Variants in NUP153 observed in about 807,000 individuals in gnomAD.
NUP153 encodes nucleoporin 153.
Under a neutral mutation model 134.6 loss-of-function variants are expected in NUP153, and 27 were observed. The observed-to-expected ratio is 0.20, with a 90% CI of 0.15 to 0.28. NUP153 has a LOEUF of 0.28. Among genes scored for constraint, NUP153 ranks in the 10% least tolerant of loss-of-function variants. The probability of loss-of-function intolerance (pLI) is 1.00; values close to 1 mark genes in which losing one functional copy is unlikely to be tolerated. For missense variants in NUP153, 1,821 were observed against 1,731.3 expected, an observed-to-expected ratio of 1.05 and a Z score of -0.92; for synonymous variants, 640 against 623.5, an observed-to-expected ratio of 1.03 and a Z score of -0.40.
At chr6:17,698,913 AACTCACTAAAAGTT>A (rs1303196044) in intron 1 of NUP153, among the ~76,000 whole-genome samples, 3 of 151,972 alleles carry the variant, frequency 2.0e-5, no homozygotes, top group Non-Finnish European at 2.9e-5. Context: ...ACAGTAGTTA[AACTCACTAAAAGTT>A]ACCTACAAGA....
intron 5 of NUP153, among the ~76,000 whole-genome samples, chr6:17,669,997 A>G (rs1767794338): frequency 6.8e-6 from 1 of 147,828 alleles, no homozygotes; most frequent in South Asian, 2.2e-4. Flanking sequence ...CGAGAGGCTG[A>G]GGCAGGAGAA....
At chr6:17,640,190 T>C in intron 14 of NUP153, 126 bp from the exon 15 acceptor site, 1 of 678,982 alleles carries the variant, frequency 1.5e-6, no homozygotes, top group Non-Finnish European at 2.2e-6. Context: ...AAAGTCACTT[T>C]AATTCAATAA....
rs768517130 is a variant in NUP153 at position 17,646,115 on chromosome 6, C to T, written c.1672G>A (p.Glu558Lys). The change falls in exon 14 of 22, where the codon GAA (glutamate) becomes AAA (lysine). Residue 558 changes from glutamate (E) to lysine (K), a missense_variant. Transcript: ENST00000262077. Reference protein sequence around the residue: ...TFSVPVAKTAELSGSSSTLEP... With the variant: ...TFSVPVAKTAKLSGSSSTLEP... ...AAAGTACTACTAGAACCAGAAAGTT[C>T]TGCTGTTTTTGCAACAGGCACACTA... is the stretch of plus-strand genomic sequence containing the variant. 3 of 1,603,566 alleles carry T rather than the reference C, an allele frequency of 1.9e-6. No homozygotes were observed. In the South Asian group the frequency reaches 3.3e-5, roughly 18 times the overall value.
intron 1 of NUP153, among the ~76,000 whole-genome samples, chr6:17,705,928 G>C (rs1245811602): frequency 6.6e-6 from 1 of 152,102 alleles, no homozygotes; most frequent in African/African-American, 2.4e-5. Flanking sequence ...TCCCTCGAGA[G>C]AACATGAGTA....
intron 1 of NUP153, among the ~76,000 whole-genome samples, chr6:17,702,233 C>T (rs1770158119): frequency 6.6e-6 from 1 of 152,102 alleles, no homozygotes; most frequent in Non-Finnish European, 1.5e-5. Flanking sequence ...TCTGGCCGGG[C>T]GAGGTAGCTC....
chr6:17,648,644 A>AT (rs556493901), intron 12 of NUP153, among the ~76,000 whole-genome samples: 19 of 151,984 alleles, frequency 1.3e-4, no homozygotes, highest in Non-Finnish European at 8.8e-5. Context: ...TTAAAAAAAA[A>AT]TTTTTTTAAT....
chr6:17,688,743 T>A, intron 1 of NUP153, 125 bp from the exon 2 acceptor site: 1 of 647,656 alleles, frequency 1.5e-6, no homozygotes, highest in Non-Finnish European at 2.7e-6. Context: ...AAAATTCAGT[T>A]ACTACAGTTA....
intron 20 of NUP153, among the ~76,000 whole-genome samples, chr6:17,617,855 GAAAAAA>G (rs879470455): frequency 3.4e-5 from 5 of 148,366 alleles, no homozygotes; most frequent in Admixed American, 1.3e-4. Context: ...AGAAGGAAAA[GAAAAAA>G]AAAGAAAAAA....
intron 11 of NUP153, 127 bp downstream of exon 11, chr6:17,661,526 C>A (rs879441767): frequency 1.1e-5 from 9 of 798,516 alleles, no homozygotes; most frequent in Non-Finnish European, 1.6e-5. Flanking sequence ...TTTGAAAGAA[C>A]TGATTCAATA....
intron 2 of NUP153, among the ~76,000 whole-genome samples, 159 bp downstream of exon 2, chr6:17,688,237 A>G (rs1362446521): frequency 1.3e-5 from 2 of 152,246 alleles, no homozygotes; most frequent in Non-Finnish European, 2.9e-5. Flanking sequence ...TAAATAAAAC[A>G]CTGATAAATA....
At chr6:17,618,397 G>A (rs1163972951) in intron 20 of NUP153, among the ~76,000 whole-genome samples, 2 of 151,736 alleles carry the variant, frequency 1.3e-5, no homozygotes, top group African/African-American at 4.8e-5. Context: ...ACTCAGCAAA[G>A]AAACAAAATT....
At chr6:17,636,575 A>G (rs1258698471) in intron 16 of NUP153, among the ~76,000 whole-genome samples, 1 of 152,118 alleles carries the variant, frequency 6.6e-6, no homozygotes, top group African/African-American at 2.4e-5. Flanking sequence ...CAAAACCATC[A>G]TCCACTTCTG....
intron 1 of NUP153, among the ~76,000 whole-genome samples, chr6:17,701,380 T>G (rs1770060030): frequency 6.6e-6 from 1 of 151,546 alleles, no homozygotes; most frequent in Admixed American, 6.6e-5. Flanking sequence ...ATACAAAAAT[T>G]AGGCCGAGTG....
chr6:17,641,653 A>G (rs902606592), intron 14 of NUP153, among the ~76,000 whole-genome samples: 4 of 152,180 alleles, frequency 2.6e-5, no homozygotes, highest in Non-Finnish European at 5.9e-5. Context: ...GGAGATCGAG[A>G]CCACCCAGGC....
chr6:17,631,882 G>T (rs189430775), intron 17 of NUP153, among the ~76,000 whole-genome samples: 1 of 152,042 alleles, frequency 6.6e-6, no homozygotes, highest in Admixed American at 6.6e-5. Context: ...CAGGAGAATG[G>T]CATGAACCCA....
In NUP153 at chr6:17,675,937, T is replaced by C. The variant is rs531929354; in HGVS notation, c.335-167A>G. 1.3e-5 allele frequency among the ~76,000 whole-genome samples: 2 copies of C among 152,258 alleles called. No individual in the cohort carries two copies. The highest frequency in any genetic ancestry group is 2.1e-4 in the South Asian group (1 of 4,826). ...TAACATACTCCTAGGCAAAACAAAG[T>C]TTCAACTAACTAAAATTAATTTAAA... On this transcript the variant is annotated intron_variant, in intron 2 of 21. Coordinates refer to ENST00000262077, the MANE Select transcript of NUP153 (RefSeq NM_005124.4). This position sits in a 1 kb window ranked among gnomAD's most constrained non-coding sequence, Gnocchi z 4.4.
rs768574921 is a variant in NUP153, at chr6:17,629,391, C to T, written c.2808G>A (p.Val936=). 2 of 1,613,984 alleles carry T rather than the reference C, an allele frequency of 1.2e-6. No homozygotes were observed. The highest frequency in any genetic ancestry group is 1.7e-6 in the Non-Finnish European group (2 of 1,179,954). ...FGDQGGFKIG[V]SSDSGSINPM... The stretch of plus-strand genomic sequence containing the variant: ...GGTTTATAGACCCAGAATCGGATGA[C>T]ACACCTATTTTGAATCCTCCCTGAT... Residue 936 remains valine (V), a synonymous_variant, in exon 18 of 22, where the codon GTG becomes GTA. Transcript: ENST00000262077.
intron 11 of NUP153, among the ~76,000 whole-genome samples, chr6:17,652,816 G>T (rs191937052): frequency 6.6e-6 from 1 of 152,254 alleles, no homozygotes; most frequent in African/African-American, 2.4e-5. Context: ...CTAAGGTCAG[G>T]AGTTCGAGAC....
chr6:17,645,507 T>A (rs527643144), intron 14 of NUP153, among the ~76,000 whole-genome samples: 2 of 150,486 alleles, frequency 1.3e-5, no homozygotes, highest in Non-Finnish European at 1.5e-5. Context: ...CTCACTGTGC[T>A]GCCTAGGATC....
Sources: gnomAD v4.1 joint callset for allele counts (sites outside exome capture counted in the v4.1 genomes callset) on GRCh38, gnomAD v4.1.1 for gene constraint, Gnocchi (gnomAD v3.1) non-coding constraint, MANE v1.5 for transcripts, NCBI Gene and HGNC (gene_info 2026-07-23, HGNC 2026-07-21) for gene names.